The following MESP1 variants were observed in gnomAD, a reference collection of about 807,000 sequenced individuals.
The protein encoded by MESP1 is mesoderm posterior bHLH transcription factor 1, also known as mesoderm posterior protein 1.
MESP1 carries 22 observed loss-of-function variants against 15.2 expected under a neutral mutation model. The ratio of observed to expected loss-of-function variants is 1.45; its 90% CI spans 1.04 to 2.07. The LOEUF is 2.07. Among genes scored for constraint, MESP1 ranks in the 30% most tolerant of loss-of-function variants. MESP1 has a pLI of 0.00. For missense variants in MESP1, 484 were observed against 411.9 expected (o/e 1.17, Z -1.51); for synonymous variants, 216 against 192.6 (o/e 1.12, Z -1.01).
the MESP1 span, chr15:89,738,060 T>C: frequency 1.2e-6 from 2 of 1,612,110 alleles, no homozygotes; most frequent in Admixed American, 1.7e-5. Context: ...CACATGAAAC[T>C]GCGTCCACCG....
At chr15:89,748,030 T>A (rs1968005242), downstream of MESP1, among the ~76,000 whole-genome samples, 1 of 152,084 alleles carries the variant, frequency 6.6e-6, no homozygotes, top group Non-Finnish European at 1.5e-5. Flanking sequence ...TTAATGAAAA[T>A]TCACACCTAG....
At chr15:89,748,956 G>C (rs1240987348), downstream of MESP1, 1 of 152,204 alleles carries the variant, frequency 6.6e-6, no homozygotes, top group Non-Finnish European at 1.5e-5. Context: ...TCAGACACTT[G>C]AAGGAGAGGA....
At position 89,751,073 on chromosome 15, in the gene MESP1, C is replaced by CG. The variant is rs759335947; in HGVS notation, c.158dup (p.Ser54GlufsTer18). 0.25 allele frequency: 327,247 copies of CG among 1,310,476 alleles called. 43,561 individuals carry two copies. The highest frequency in any genetic ancestry group is 0.32 in the African/African-American group (21,097 of 65,074). The allele number at this position is 1,310,476 out of a possible 1,614,324, so 81.2% of individuals were successfully genotyped here. ...GGAGGGTGCCTGGCCGCGCGGGGCT[C>CG]GCCACGGGGCTGTCGGCTGGGGTGC... On this transcript the variant is annotated frameshift_variant, in exon 1 of 2. Transcript: ENST00000300057. LOFTEE classifies it high-confidence loss of function.
downstream of MESP1, among the ~76,000 whole-genome samples, chr15:89,747,513 T>C (rs557969864): frequency 1.5e-4 from 23 of 152,252 alleles, no homozygotes; most frequent in Admixed American, 1.2e-3. Context: ...CCTGTGCCGG[T>C]GCAGTCCTTC....
the MESP1 span, chr15:89,737,802 C>A: frequency 6.3e-7 from 1 of 1,580,508 alleles, no homozygotes; most frequent in Non-Finnish European, 8.6e-7. Context: ...CAGAGAGAGC[C>A]CCTCCGATCT....
chr15:89,740,264 C>T, the MESP1 span, among the ~76,000 whole-genome samples: 1 of 152,186 alleles, frequency 6.6e-6, no homozygotes, highest in African/African-American at 2.4e-5. Flanking sequence ...TCTCCGCTTC[C>T]TAGCTCATAC....
chr15:89,744,275 C>G, the MESP1 span, among the ~76,000 whole-genome samples: 1 of 152,230 alleles, frequency 6.6e-6, no homozygotes. Flanking sequence ...GTTGGCCAGA[C>G]AACTTCCATG....
chr15:89,751,201 C>A lies in MESP1; in HGVS notation c.31G>T (p.Glu11Ter). 1 of 1,257,192 alleles carries A rather than the reference C, an allele frequency of 8.0e-7. No homozygotes were observed. The highest frequency in any genetic ancestry group is 1.0e-6 in the Non-Finnish European group (1 of 1,002,642). 77.9% of individuals were successfully genotyped at this position (1,257,192 alleles called of 1,614,324 possible). The change falls in exon 1 of 2, where the codon GAG (glutamate) becomes TAG (stop). Residue 11 changes from glutamate (E) to a stop codon, truncating the protein, a stop_gained. Transcript: ENST00000300057. LOFTEE classifies it high-confidence loss of function. MAQPLCPPLS[E>*]SWMLSAAWGP... The stretch of plus-strand genomic sequence containing the variant: ...CAGGCCGCAGAGAGCATCCAGGACT[C>A]GGAGAGCGGCGGGCACAGGGGCTGG...
chr15:89,743,158 G>T, the MESP1 span: 1 of 801,226 alleles, frequency 1.2e-6, no homozygotes, highest in South Asian at 1.6e-5. Flanking sequence ...TGAGCCCTGA[G>T]GACACAGAGG....
the MESP1 span, chr15:89,743,350 AG>A: frequency 6.2e-7 from 1 of 1,614,160 alleles, no homozygotes; most frequent in African/African-American, 1.3e-5. Context: ...CCGGCTTCAG[AG>A]GTACTCCTTG....
the MESP1 span, among the ~76,000 whole-genome samples, chr15:89,740,765 G>A: frequency 1.3e-5 from 2 of 152,132 alleles, no homozygotes; most frequent in East Asian, 3.9e-4. Context: ...GCCTGCCAAA[G>A]TGGTGGGATT....
intron 1 of MESP1, 114 bp from the exon 2 acceptor site, chr15:89,750,341 T>TG: frequency 6.6e-7 from 1 of 1,524,194 alleles, no homozygotes; most frequent in South Asian, 1.2e-5. Context: ...CCCAGTCCTC[T>TG]GCGTGGCCTT....
rs1187436132 is a variant in MESP1 at position 89,751,145 on chromosome 15, G to T, written c.87C>A (p.Asp29Glu). The T allele has an allele frequency of 1.6e-6, 2 of 1,269,924 alleles. No homozygotes were observed. The highest frequency in any genetic ancestry group is 6.0e-5 in the East Asian group (2 of 33,538). 78.7% of individuals were successfully genotyped at this position (1,269,924 alleles called of 1,614,324 possible). ...WGPTRRPPPS[D>E]KDCGRSLVSS... ...AGACGAGGGAGCGGCCGCAGTCCTT[G>T]TCGGAGGGCGGCGGCCGCCGAGTTG... Residue 29 changes from aspartate (D) to glutamate (E), a missense_variant, in exon 1 of 2, where the codon GAC becomes GAA. Physicochemically the swap from Asp to Glu is conservative, Grantham distance 45 (BLOSUM62 2). Coordinates refer to ENST00000300057, the MANE Select transcript of MESP1 (RefSeq NM_018670.4).
chr15:89,742,421 C>G, the MESP1 span, among the ~76,000 whole-genome samples: 1 of 151,994 alleles, frequency 6.6e-6, no homozygotes, highest in Non-Finnish European at 1.5e-5. Flanking sequence ...GACAGCCCCC[C>G]CTCCACCCTG....
At chr15:89,732,681 C>T in the MESP1 span, among the ~76,000 whole-genome samples, 10 of 152,160 alleles carry the variant, frequency 6.6e-5, no homozygotes, top group South Asian at 2.1e-4. Context: ...CCTGCCCATA[C>T]GCCTTTGCAT....
the MESP1 span, chr15:89,737,423 C>A: frequency 9.6e-7 from 1 of 1,044,498 alleles, no homozygotes; most frequent in Admixed American, 2.4e-5. Context: ...TGCAGGTCTC[C>A]AGCAGCCCTG....
the MESP1 span, chr15:89,743,292 C>A: frequency 6.2e-7 from 1 of 1,614,102 alleles, no homozygotes; most frequent in African/African-American, 1.3e-5. Flanking sequence ...TGGCCCTCAG[C>A]TATCGGAAGC....
chr15:89,744,628 G>A, the MESP1 span, among the ~76,000 whole-genome samples: 69 of 152,338 alleles, frequency 4.5e-4, no homozygotes, highest in African/African-American at 1.6e-3. Context: ...GTGAGACAGC[G>A]TAGAACAGCC....
the MESP1 span, among the ~76,000 whole-genome samples, chr15:89,736,855 A>T: frequency 6.7e-6 from 1 of 149,408 alleles, no homozygotes; most frequent in Non-Finnish European, 1.5e-5. Context: ...GCAGTGGTGC[A>T]ATCTTGGCTC....
Sources: gnomAD v4.1 joint callset for allele counts (sites outside exome capture counted in the v4.1 genomes callset) on GRCh38, gnomAD v4.1.1 for gene constraint, MANE v1.5 for transcripts, NCBI Gene and HGNC (gene_info 2026-07-23, HGNC 2026-07-21) for gene names.